Variants in GULP1 observed in about 807,000 individuals in gnomAD.
GULP1 encodes the protein GULP PTB domain containing engulfment adaptor 1, also known as PTB domain-containing engulfment adapter protein 1.
In GULP1, 19 loss-of-function variants were observed where a neutral mutation model predicts 40.9. The observed-to-expected ratio is 0.46, with a 90% CI of 0.32 to 0.68. The LOEUF is 0.68. GULP1 is among the 30% of genes least tolerant of loss of function. The pLI is 0.03. For missense variants in GULP1, 312 were observed against 362.2 expected (o/e 0.86, Z 1.12); for synonymous variants, 119 against 117.6 (o/e 1.01, Z -0.08).
At chr2:188,328,583 G>C (rs2041093465) in intron 1 of GULP1, among the ~76,000 whole-genome samples, 1 of 152,102 alleles carries the variant, frequency 6.6e-6, no homozygotes. Context: ...ACAGATGTTT[G>C]CTCTTCTGCC....
intron 2 of GULP1, among the ~76,000 whole-genome samples, chr2:188,433,395 C>A (rs144000892): frequency 6.6e-6 from 1 of 152,174 alleles, no homozygotes; most frequent in East Asian, 1.9e-4. Context: ...GTTTCTCGAG[C>A]AAATGCAAAG....
chr2:188,491,966 TC>T (rs1329370366), intron 4 of GULP1, among the ~76,000 whole-genome samples: 2 of 152,022 alleles, frequency 1.3e-5, no homozygotes, highest in African/African-American at 4.8e-5. Context: ...CTATTTTTTT[TC>T]CTTTTTGCTA....
chr2:188,551,995 C>A (rs1447985965), intron 7 of GULP1, among the ~76,000 whole-genome samples: 1 of 150,936 alleles, frequency 6.6e-6, no homozygotes, highest in Non-Finnish European at 1.5e-5. Context: ...TATTCATGTT[C>A]TTTCCCATTT....
intron 1 of GULP1, among the ~76,000 whole-genome samples, chr2:188,381,321 A>C (rs543181846): frequency 6.6e-6 from 1 of 152,280 alleles, no homozygotes; most frequent in Admixed American, 6.5e-5. Context: ...CACATTGCAT[A>C]AAATATTCTA....
rs184774594 is a variant in GULP1, at chr2:188,568,062, A to C, written c.400-1177A>C. Among the ~76,000 whole-genome samples the C allele has an allele frequency of 1.4e-3, 212 of 152,142 alleles. 1 individual carries two copies. Among genetic ancestry groups the C allele is most frequent in the African/African-American group, 5.0e-3 (207 of 41,514 alleles). ...TTGTAAAACAGTCTTCCTTTAAAAT[A>C]TTATGTACATATTTTGCATTTTTTA... On this transcript the variant is annotated intron_variant, in intron 7 of 11. Transcript: ENST00000409830.
chr2:188,531,769 C>T (rs893658289), intron 6 of GULP1, among the ~76,000 whole-genome samples: 1 of 151,954 alleles, frequency 6.6e-6, no homozygotes, highest in African/African-American at 2.4e-5. Flanking sequence ...AACAATAGAC[C>T]AAGGAAGCAA....
At chr2:188,547,926 T>C (rs899205804) in intron 7 of GULP1, among the ~76,000 whole-genome samples, 1 of 151,946 alleles carries the variant, frequency 6.6e-6, no homozygotes, top group South Asian at 2.1e-4. Flanking sequence ...TAAAAGAGAA[T>C]GAACACACAC....
At chr2:188,394,293 GT>G (rs1459058767) in intron 2 of GULP1, among the ~76,000 whole-genome samples, 11 of 151,882 alleles carry the variant, frequency 7.2e-5, no homozygotes, top group Admixed American at 2.0e-4. Context: ...CTGAAATTCT[GT>G]CTTCTAGTTG....
rs938251712 is a variant in GULP1, at chr2:188,482,043, A to C, written c.29-1388A>C. Among the ~76,000 whole-genome samples the C allele has an allele frequency of 2.6e-5, 4 of 152,066 alleles. No individual in the cohort carries two copies. The South Asian group carries it at 8.3e-4, about 32-fold the overall frequency. ...TCAACGTCAATATTTTTTGAAGCTT[A>C]GAATGTATTGCTGTTCAAAATATTT... On this transcript the variant is annotated intron_variant, in intron 3 of 11. Transcript: ENST00000409830.
At chr2:188,439,981 A>C (rs746563668) in intron 2 of GULP1, among the ~76,000 whole-genome samples, 13 of 152,222 alleles carry the variant, frequency 8.5e-5, no homozygotes, top group Admixed American at 1.3e-4. Context: ...AAAATAGAGT[A>C]CCACCAAAAC....
At chr2:188,488,942 T>C (rs1333025338) in intron 4 of GULP1, among the ~76,000 whole-genome samples, 1 of 151,896 alleles carries the variant, frequency 6.6e-6, no homozygotes, top group Non-Finnish European at 1.5e-5. Flanking sequence ...AATCAGTTAA[T>C]GAAGAGAGAA....
At chr2:188,343,167 T>C (rs2152196824) in intron 1 of GULP1, among the ~76,000 whole-genome samples, 1 of 151,374 alleles carries the variant, frequency 6.6e-6, no homozygotes, top group Admixed American at 6.6e-5. Context: ...CAGAGTGGAA[T>C]AGGAAAAAAA....
intron 1 of GULP1, among the ~76,000 whole-genome samples, chr2:188,297,830 TCAAA>T (rs2035313586): frequency 6.6e-6 from 1 of 152,022 alleles, no homozygotes; most frequent in African/African-American, 2.4e-5. Flanking sequence ...CCAAAAAAAA[TCAAA>T]CAGAACATTT....
At chr2:188,480,115 C>T (rs1340001270) in intron 3 of GULP1, among the ~76,000 whole-genome samples, 4 of 151,956 alleles carry the variant, frequency 2.6e-5, no homozygotes. Flanking sequence ...TTAAGAGCCC[C>T]CGCTCCTGGT....
intron 1 of GULP1, among the ~76,000 whole-genome samples, chr2:188,361,026 T>A (rs528093757): frequency 6.6e-6 from 1 of 152,242 alleles, no homozygotes; most frequent in South Asian, 2.1e-4. Flanking sequence ...GCTCTTTGCC[T>A]TTCTAAAATG....
intron 1 of GULP1, among the ~76,000 whole-genome samples, chr2:188,314,344 G>A (rs1461581481): frequency 6.6e-6 from 1 of 152,058 alleles, no homozygotes; most frequent in East Asian, 1.9e-4. Flanking sequence ...TTTCTCCTGT[G>A]CAAATTTTTT....
chr2:188,519,430 T>C (rs539738209), intron 4 of GULP1, among the ~76,000 whole-genome samples: 148 of 152,294 alleles, frequency 9.7e-4, no homozygotes, highest in Middle Eastern at 3.4e-3. Context: ...AAACTTATAG[T>C]CTATTACTGA....
intron 3 of GULP1, among the ~76,000 whole-genome samples, chr2:188,480,584 A>G (rs1283488593): frequency 1.3e-5 from 2 of 151,994 alleles, no homozygotes. Context: ...TGAATATATT[A>G]CAGTCATATC....
At chr2:188,515,686 C>A (rs923054493) in intron 4 of GULP1, among the ~76,000 whole-genome samples, 3 of 149,392 alleles carry the variant, frequency 2.0e-5, no homozygotes, top group Non-Finnish European at 4.4e-5. Context: ...CATAGATACA[C>A]ATACACACTT....
Sources: gnomAD v4.1 joint callset for allele counts (sites outside exome capture counted in the v4.1 genomes callset) on GRCh38, gnomAD v4.1.1 for gene constraint, MANE v1.5 for transcripts, NCBI Gene and HGNC (gene_info 2026-07-23, HGNC 2026-07-21) for gene names.